MTA1: variants seen among roughly 807,000 people sequenced by gnomAD.
The protein encoded by MTA1 is metastasis-associated protein MTA1.
Under a neutral mutation model 97.0 loss-of-function variants are expected in MTA1, and 15 were observed. That is an observed-to-expected ratio of 0.15 (90% confidence interval 0.10 to 0.24). The LOEUF (loss-of-function observed/expected upper bound fraction) is 0.24, where lower values mean the gene tolerates loss of function less well. MTA1 is among the 10% of genes least tolerant of loss of function. MTA1 has a pLI of 1.00. For missense variants in MTA1, 709 were observed against 1,015.1 expected (o/e 0.70, Z 4.10); for synonymous variants, 435 against 417.5 (o/e 1.04, Z -0.51).
At position 105,424,912 on chromosome 14, in the gene MTA1, C is replaced by T. The variant is rs1291618285; in HGVS notation, c.28+4849C>T. Among the ~76,000 whole-genome samples, 2 of 152,260 alleles carry T rather than the reference C, an allele frequency of 1.3e-5. No homozygotes were observed. Among genetic ancestry groups the T allele is most frequent in the African/African-American group, 4.8e-5 (2 of 41,474 alleles). On this transcript the variant is annotated intron_variant, in intron 1 of 20. Coordinates refer to ENST00000331320, the MANE Select transcript of MTA1 (RefSeq NM_004689.4). This position sits in a 1 kb window ranked among gnomAD's most constrained non-coding sequence, Gnocchi z 4.0. ...ATGAAGCACATCCCTCGCGCCCGACCCGCCCTGGCAGTGCCGTTCCCGCCC... is the reference window on the plus strand; with the variant it reads ...ATGAAGCACATCCCTCGCGCCCGACTCGCCCTGGCAGTGCCGTTCCCGCCC...
Position 105,463,763 on chromosome 14 carries a change from G to A in MTA1, c.1076+212G>A. ...CGTCCTGGCCTCCTGGTCAGTAAGG[G>A]GGCATTGGGATTCCAGCCCACACCG... On this transcript the variant is annotated intron_variant, in intron 12 of 20. Transcript: ENST00000331320. The surrounding 1 kb of genome is among the most constrained non-coding windows in gnomAD (Gnocchi z 5.9). The A allele has an allele frequency of 4.8e-6, 3 of 623,300 alleles. No homozygotes were observed. The highest frequency in any genetic ancestry group is 2.9e-5 in the Admixed American group (1 of 34,162). 38.6% of individuals were successfully genotyped at this position (623,300 alleles called of 1,614,324 possible).
At chr14:105,443,399 T>A (rs2082610474) in intron 2 of MTA1, among the ~76,000 whole-genome samples, 1 of 152,172 alleles carries the variant, frequency 6.6e-6, no homozygotes, top group Non-Finnish European at 1.5e-5. Context: ...TGAAACAAGG[T>A]CTTGCTCTTT....
At chr14:105,429,249 C>T (rs1595271036) in intron 1 of MTA1, among the ~76,000 whole-genome samples, 1 of 152,110 alleles carries the variant, frequency 6.6e-6, no homozygotes, top group Non-Finnish European at 1.5e-5. Context: ...GTACTAAGGC[C>T]GTTCAGCTGT....
At chr14:105,455,875 T>C (rs1595381343) in intron 7 of MTA1, among the ~76,000 whole-genome samples, 1 of 152,124 alleles carries the variant, frequency 6.6e-6, no homozygotes, top group East Asian at 1.9e-4. Context: ...AGGAGGCCTC[T>C]GTGCTGAGGC....
chr14:105,429,643 C>T (rs1364611895), intron 1 of MTA1, among the ~76,000 whole-genome samples: 7 of 149,636 alleles, frequency 4.7e-5, no homozygotes, highest in East Asian at 3.9e-4. Flanking sequence ...TTAGTAGAGA[C>T]GGGGTTTCAC....
rs74938452 is a variant in MTA1, at chr14:105,448,647, G to A, written c.191-712G>A. 2.6e-4 allele frequency among the ~76,000 whole-genome samples: 39 copies of A among 152,332 alleles called. No homozygotes were observed. The East Asian group carries it at 6.8e-3, about 26-fold the overall frequency. The stretch of plus-strand genomic sequence containing the variant: ...TCGGCCCTGCCCTGTTCTATGGACC[G>A]GGAGGAGGTGAGGCTCAGCCGCCAG... On this transcript the variant is annotated intron_variant, in intron 3 of 20. Coordinates refer to ENST00000331320, the MANE Select transcript of MTA1 (RefSeq NM_004689.4).
intron 1 of MTA1, 97 bp from the exon 2 acceptor site, chr14:105,438,575 C>G (rs2082400567): frequency 9.5e-7 from 1 of 1,048,874 alleles, no homozygotes; most frequent in Non-Finnish European, 1.5e-6. Flanking sequence ...GGGGATGACA[C>G]TGCCCCGCCT....
At chr14:105,461,435 CT>C (rs1299225408) in intron 10 of MTA1, among the ~76,000 whole-genome samples, 5 of 152,192 alleles carry the variant, frequency 3.3e-5, no homozygotes, top group African/African-American at 1.2e-4. Context: ...GTACCTCCAC[CT>C]CAGGACCCCC....
chr14:105,449,211 G>A (rs1251841416), intron 3 of MTA1, 148 bp from the exon 4 acceptor site: 4 of 637,592 alleles, frequency 6.3e-6, no homozygotes, highest in Middle Eastern at 4.1e-4. Flanking sequence ...ATCTTCAACC[G>A]GGTGGTCTTC....
Position 105,470,005 on chromosome 14 carries a change from C to G in MTA1, c.1997+13C>G, listed in dbSNP as rs1567053085. ...CAGAGGAGACCAGGTGGGGCCTTCC[C>G]AGGGCAGGCGGGAGGGCTCCGCACA... On this transcript the variant is annotated intron_variant, in intron 20 of 20. Coordinates refer to ENST00000331320, the MANE Select transcript of MTA1 (RefSeq NM_004689.4). 6.2e-7 allele frequency: 1 copy of G among 1,612,488 alleles called. No homozygotes were observed. Among genetic ancestry groups the G allele is most frequent in the Non-Finnish European group, 8.5e-7 (1 of 1,179,826 alleles).
At chr14:105,435,936 C>G (rs587622517) in intron 1 of MTA1, among the ~76,000 whole-genome samples, 29 of 152,218 alleles carry the variant, frequency 1.9e-4, no homozygotes, top group African/African-American at 6.5e-4. Flanking sequence ...GTTTCTTTGT[C>G]AGTCTGGCTA....
chr14:105,452,566 C>T (rs2082985408), intron 6 of MTA1, among the ~76,000 whole-genome samples: 2 of 152,178 alleles, frequency 1.3e-5, no homozygotes, highest in Non-Finnish European at 2.9e-5. Flanking sequence ...TACTGTTGTC[C>T]CAGCTACTCA....
chr14:105,443,993 C>T (rs186182729), intron 2 of MTA1, among the ~76,000 whole-genome samples: 34 of 152,114 alleles, frequency 2.2e-4, no homozygotes, highest in Admixed American at 7.2e-4. Flanking sequence ...GAGGCTGAGG[C>T]AGGAGAATCG....
intron 7 of MTA1, among the ~76,000 whole-genome samples, chr14:105,456,512 G>A (rs1388392302): frequency 2.0e-5 from 3 of 152,240 alleles, no homozygotes; most frequent in African/African-American, 4.8e-5. Flanking sequence ...CTTTTGGGCC[G>A]CTGGTGCAAG....
chr14:105,442,370 G>A (rs1340081305), intron 2 of MTA1, among the ~76,000 whole-genome samples: 6 of 152,192 alleles, frequency 3.9e-5, no homozygotes, highest in African/African-American at 7.2e-5. Flanking sequence ...GGTTCCTCCC[G>A]CCCAGGAAGA....
At chr14:105,445,298 G>T in intron 2 of MTA1, 120 bp from the exon 3 acceptor site, 1 of 799,986 alleles carries the variant, frequency 1.3e-6, no homozygotes, top group South Asian at 1.7e-5. Context: ...GAGTCCCGAG[G>T]GGTGGTGTGG....
chr14:105,461,789 T>C lies in MTA1; in HGVS notation c.942+836T>C, dbSNP rs2083356614. Among the ~76,000 whole-genome samples, 3 of 151,920 alleles carry C rather than the reference T, an allele frequency of 2.0e-5. No individual in the cohort carries two copies. In the South Asian group the frequency reaches 6.2e-4, roughly 32 times the overall value. On this transcript the variant is annotated intron_variant, in intron 10 of 20. Transcript: ENST00000331320. ...AGGACGCATCTGCTGGGGGCAGGAG[T>C]GCAGCTTTGTGTGGGGGCCTCTGGC...
chr14:105,469,907 G>A lies in MTA1; in HGVS notation c.1912G>A (p.Gly638Ser). The change falls in exon 20 of 21, where the codon GGC (glycine) becomes AGC (serine). Residue 638 changes from glycine (G) to serine (S), a missense_variant. This residue lies in a region of MTA1 where 388 missense variants were observed against 421.6 expected (regional missense o/e 0.92). Transcript: ENST00000331320. ...CACCAAAGTGCGCCTGATCCGGGGGGGCTCCCTGCCCCCAGTCAAGCGGCG... is the reference window on the plus strand; with the variant it reads ...CACCAAAGTGCGCCTGATCCGGGGGAGCTCCCTGCCCCCAGTCAAGCGGCG... ...YPTKVRLIRGGSLPPVKRRRM... is the reference protein window; with the variant it reads ...YPTKVRLIRGSSLPPVKRRRM... 2 of 1,611,868 alleles carry A rather than the reference G, an allele frequency of 1.2e-6. No homozygotes were observed. Among genetic ancestry groups the A allele is most frequent in the Non-Finnish European group, 1.7e-6 (2 of 1,179,566 alleles).
At position 105,422,448 on chromosome 14, in the gene MTA1, C is replaced by T. The variant is rs141840361; in HGVS notation, c.28+2385C>T. On this transcript the variant is annotated intron_variant, in intron 1 of 20. Transcript: ENST00000331320. The surrounding 1 kb of genome is among the most constrained non-coding windows in gnomAD (Gnocchi z 4.3). ...CTGGCACGGGCTCCATCTGGGTGGC[C>T]AGTCCTGGCCTGTGGGAGATGCCGG... 1.7e-3 allele frequency among the ~76,000 whole-genome samples: 254 copies of T among 152,258 alleles called. 1 individual carries two copies. The highest frequency in any genetic ancestry group is 5.8e-3 in the African/African-American group (241 of 41,544).
Sources: allele counts gnomAD v4.1 joint callset (sites outside exome capture counted in the v4.1 genomes callset), GRCh38; gene constraint gnomAD v4.1.1; regional missense constraint gnomAD v4.1.1; non-coding constraint Gnocchi (gnomAD v3.1); transcripts MANE v1.5; gene names NCBI Gene and HGNC (gene_info 2026-07-23, HGNC 2026-07-21).